Variants in CEMIP observed in about 807,000 individuals in gnomAD.
CEMIP encodes the protein cell migration-inducing and hyaluronan-binding protein.
In CEMIP, 105 loss-of-function variants were observed where a neutral mutation model predicts 156.9. The observed-to-expected ratio is 0.67, with a 90% CI of 0.57 to 0.79. The LOEUF is 0.79. Ranked by LOEUF, CEMIP falls within the 30% of genes least tolerant of loss-of-function variation. CEMIP has a pLI of 0.00. For missense variants in CEMIP, 1,457 were observed against 1,769.4 expected (o/e 0.82, Z 3.17); for synonymous variants, 676 against 668.4 (o/e 1.01, Z -0.17).
chr15:80,937,698 G>C, intron 24 of CEMIP, 96 bp from the exon 25 acceptor site: 1 of 1,107,888 alleles, frequency 9.0e-7, no homozygotes, highest in Non-Finnish European at 1.4e-6. Flanking sequence ...GGTGTCATTT[G>C]GTGGAGATTT....
At chr15:80,933,191 C>T in intron 22 of CEMIP, 54 bp from the exon 23 acceptor site, 2 of 1,477,830 alleles carry the variant, frequency 1.4e-6, no homozygotes, top group Non-Finnish European at 1.9e-6. Flanking sequence ...CTGATGACGG[C>T]TGCAGTTTCC....
chr15:80,786,586 G>A (rs1430888610), intron 1 of CEMIP, among the ~76,000 whole-genome samples: 4 of 151,302 alleles, frequency 2.6e-5, no homozygotes, highest in African/African-American at 7.3e-5. Context: ...GTGTGTGTGT[G>A]TGTGTGTGTC....
chr15:80,919,031 A>G (rs912526711), intron 14 of CEMIP, among the ~76,000 whole-genome samples: 3 of 152,218 alleles, frequency 2.0e-5, no homozygotes, highest in African/African-American at 7.2e-5. Context: ...TGTGCTGCTG[A>G]AACTGCATCC....
intron 25 of CEMIP, among the ~76,000 whole-genome samples, chr15:80,939,372 G>A (rs1165514488): frequency 6.6e-6 from 1 of 152,180 alleles, no homozygotes; most frequent in Non-Finnish European, 1.5e-5. Flanking sequence ...CAGGGGCCAG[G>A]AGTATTTAGG....
At position 80,875,335 on chromosome 15, in the gene CEMIP, A is replaced by T. The variant is rs1898439764; in HGVS notation, c.94+1362A>T. Among the ~76,000 whole-genome samples the T allele has an allele frequency of 2.6e-5, 4 of 152,212 alleles. No homozygotes were observed. In the Middle Eastern group the frequency reaches 0.01, roughly 388 times the overall value. On this transcript the variant is annotated intron_variant, in intron 3 of 29. Coordinates refer to ENST00000394685, the MANE Select transcript of CEMIP (RefSeq NM_001293298.2). ...CAGGTGTGAGCCACCATGCCCAGCCAGTAGTCCTTATTTTAACCCTCCAGG... is the reference window on the plus strand; with the variant it reads ...CAGGTGTGAGCCACCATGCCCAGCCTGTAGTCCTTATTTTAACCCTCCAGG...
intron 1 of CEMIP, among the ~76,000 whole-genome samples, chr15:80,855,250 T>C (rs1287193393): frequency 1.3e-5 from 2 of 152,212 alleles, no homozygotes; most frequent in African/African-American, 4.8e-5. Context: ...GTAACATTTA[T>C]GGAACACATG....
chr15:80,809,393 T>C (rs16972408), intron 1 of CEMIP, among the ~76,000 whole-genome samples: 11,394 of 152,310 alleles, frequency 0.075, 543 homozygotes, highest in Middle Eastern at 0.15. Flanking sequence ...TTTGAATCTA[T>C]CTGAGACGGA....
Position 80,862,654 on chromosome 15 carries a change from G to C in CEMIP, c.-175-10884G>C, listed in dbSNP as rs572984939. 6.6e-5 allele frequency among the ~76,000 whole-genome samples: 10 copies of C among 152,330 alleles called. No homozygotes were observed. The East Asian group carries it at 7.7e-4, about 12-fold the overall frequency. ...GCAGCTTCCAGGGCGGGCTGGACTG[G>C]GGGGAGAATCCCTCATGTCCCATGC... is the stretch of plus-strand genomic sequence containing the variant. On this transcript the variant is annotated intron_variant, in intron 1 of 29. Coordinates refer to ENST00000394685, the MANE Select transcript of CEMIP (RefSeq NM_001293298.2).
At chr15:80,912,067 AAGGCTGGGAGAGCTGGGAG>A (rs1260604343) in intron 14 of CEMIP, among the ~76,000 whole-genome samples, 12 of 99,274 alleles carry the variant, frequency 1.2e-4, no homozygotes, top group African/African-American at 3.8e-4. Context: ...ATTGCTGGGA[AAGGCTGGGAGAGCTGGGAG>A]AGGCTGGGAG....
At chr15:80,844,300 C>T (rs539096304) in intron 1 of CEMIP, among the ~76,000 whole-genome samples, 4 of 152,374 alleles carry the variant, frequency 2.6e-5, no homozygotes, top group African/African-American at 9.6e-5. Flanking sequence ...CGCCCCCCAG[C>T]CAGCCTGTGC....
At chr15:80,823,370 G>T (rs75965917) in intron 1 of CEMIP, among the ~76,000 whole-genome samples, 209 of 152,334 alleles carry the variant, frequency 1.4e-3, no homozygotes, top group African/African-American at 4.8e-3. Flanking sequence ...CTTTGGAGAT[G>T]ATGCCGTCAG....
At chr15:80,786,461 A>G (rs1195770323) in intron 1 of CEMIP, among the ~76,000 whole-genome samples, 1 of 152,022 alleles carries the variant, frequency 6.6e-6, no homozygotes, top group Non-Finnish European at 1.5e-5. Flanking sequence ...CCTGAGCCCA[A>G]GATATCTGCC....
chr15:80,850,341 A>C (rs1026145419), intron 1 of CEMIP, among the ~76,000 whole-genome samples: 1 of 152,086 alleles, frequency 6.6e-6, no homozygotes, highest in African/African-American at 2.4e-5. Context: ...CAGTAGCGCA[A>C]TCTCAGTTCA....
At chr15:80,930,194 T>C (rs1193784467) in intron 21 of CEMIP, among the ~76,000 whole-genome samples, 1 of 151,810 alleles carries the variant, frequency 6.6e-6, no homozygotes, top group Non-Finnish European at 1.5e-5. Flanking sequence ...CAAGTGGACA[T>C]GGAAAAGACT....
At chr15:80,893,295 T>C (rs948130555) in intron 10 of CEMIP, among the ~76,000 whole-genome samples, 1 of 152,138 alleles carries the variant, frequency 6.6e-6, no homozygotes, top group East Asian at 1.9e-4. Context: ...AGAATAATAA[T>C]AAACTCAAGT....
chr15:80,893,619 C>G (rs1447158071), intron 10 of CEMIP, among the ~76,000 whole-genome samples: 1 of 152,196 alleles, frequency 6.6e-6, no homozygotes, highest in East Asian at 1.9e-4. Flanking sequence ...CTGAACCCCT[C>G]TGAGCATCAG....
chr15:80,830,361 C>T (rs1897132140), intron 1 of CEMIP, among the ~76,000 whole-genome samples: 1 of 152,190 alleles, frequency 6.6e-6, no homozygotes, highest in Non-Finnish European at 1.5e-5. Context: ...TAGCCTGTAT[C>T]CACAGTTCTT....
intron 19 of CEMIP, among the ~76,000 whole-genome samples, chr15:80,926,649 C>G (rs1900682775): frequency 1.3e-5 from 2 of 151,938 alleles, no homozygotes; most frequent in African/African-American, 4.8e-5. Context: ...ATTGGAGCCC[C>G]AGGAAGATGC....
In CEMIP at chr15:80,941,955, G is replaced by A. The variant is rs775014988; in HGVS notation, c.3514G>A (p.Ala1172Thr). 27 of 1,613,866 alleles carry A rather than the reference G, an allele frequency of 1.7e-5. No homozygotes were observed. Among genetic ancestry groups the A allele is most frequent in the Admixed American group, 5.0e-5 (3 of 59,992 alleles). Residue 1172 changes from alanine to threonine, a missense_variant, in exon 26 of 30, where the codon GCA (alanine) becomes ACA (threonine). By Grantham distance (58) the Ala-to-Thr change is moderately conservative. This residue lies in a region of CEMIP where 798 missense variants were observed against 980.1 expected (regional missense o/e 0.81). Coordinates refer to ENST00000394685, the MANE Select transcript of CEMIP (RefSeq NM_001293298.2). Reference sequence around the variant, plus strand: ...GATTAAAGCTCTGATTCCAAAGAACGCAGGCGTCAGTGACTGCACAGCCAC... The same window carrying A: ...GATTAAAGCTCTGATTCCAAAGAACACAGGCGTCAGTGACTGCACAGCCAC... The part of the protein sequence containing the change: ...IKIKALIPKN[A>T]GVSDCTATAY...
Sources: gnomAD v4.1 joint callset for allele counts (sites outside exome capture counted in the v4.1 genomes callset) on GRCh38, gnomAD v4.1.1 for gene constraint, gnomAD v4.1.1 regional missense constraint, MANE v1.5 for transcripts, NCBI Gene and HGNC (gene_info 2026-07-23, HGNC 2026-07-21) for gene names.